CLVS1: variants seen among roughly 807,000 people sequenced by gnomAD.
CLVS1 encodes clavesin 1, also known as clavesin-1.
A neutral mutation model predicts 33.1 loss-of-function variants in CLVS1; 10 were observed. The ratio of observed to expected loss-of-function variants is 0.30; its 90% CI spans 0.19 to 0.51. CLVS1 has a LOEUF of 0.51. Ranked by LOEUF, CLVS1 falls within the 20% of genes least tolerant of loss-of-function variation. CLVS1 has a pLI of 0.97. For synonymous variants in CLVS1, 163 were observed against 166.1 expected, an observed-to-expected ratio of 0.98 and a Z score of 0.14; for missense variants, 343 against 433.4, an observed-to-expected ratio of 0.79 and a Z score of 1.85.
chr8:61,003,865 T>C, the CLVS1 span, among the ~76,000 whole-genome samples: 2 of 152,128 alleles, frequency 1.3e-5, no homozygotes, highest in African/African-American at 4.8e-5. Flanking sequence ...CAAGTAAATA[T>C]AGATACACAA....
intron 3 of CLVS1, among the ~76,000 whole-genome samples, chr8:61,409,276 C>G (rs1340035233): frequency 6.6e-6 from 1 of 152,114 alleles, no homozygotes; most frequent in Non-Finnish European, 1.5e-5. Flanking sequence ...ACAAGGGTAA[C>G]TTTTTATTAG....
intron 2 of CLVS1, among the ~76,000 whole-genome samples, chr8:61,225,368 T>C (rs944351491): frequency 2.0e-5 from 3 of 152,138 alleles, no homozygotes; most frequent in South Asian, 2.1e-4. Context: ...AGTTTCTTTA[T>C]GCATAGTAGA....
At chr8:61,010,978 G>A in the CLVS1 span, among the ~76,000 whole-genome samples, 2 of 152,218 alleles carry the variant, frequency 1.3e-5, no homozygotes, top group Admixed American at 1.3e-4. Flanking sequence ...CACTTGGTTC[G>A]CACCAATTCA....
intron 2 of CLVS1, among the ~76,000 whole-genome samples, chr8:61,224,684 A>C (rs1808291466): frequency 6.6e-6 from 1 of 152,208 alleles, no homozygotes; most frequent in South Asian, 2.1e-4. Context: ...TTAACAAAGC[A>C]CTTTGATTGC....
intron 2 of CLVS1, among the ~76,000 whole-genome samples, chr8:61,132,608 T>C (rs971176255): frequency 6.6e-6 from 1 of 152,240 alleles, no homozygotes; most frequent in African/African-American, 2.4e-5. Flanking sequence ...CATTTCCCCT[T>C]CTGTGTGGCA....
At chr8:61,116,084 G>A (rs1248862536) in intron 1 of CLVS1, among the ~76,000 whole-genome samples, 3 of 149,340 alleles carry the variant, frequency 2.0e-5, no homozygotes, top group African/African-American at 5.0e-5. Flanking sequence ...GTGTGAGATG[G>A]TATCTCATTG....
chr8:61,236,250 A>G (rs1808556083), intron 2 of CLVS1, among the ~76,000 whole-genome samples: 1 of 152,210 alleles, frequency 6.6e-6, no homozygotes, highest in Non-Finnish European at 1.5e-5. Flanking sequence ...ACCTGAAGCC[A>G]GAGGAGTGAA....
chr8:61,092,081 G>A (rs1805261535), intron 1 of CLVS1, among the ~76,000 whole-genome samples: 2 of 152,232 alleles, frequency 1.3e-5, no homozygotes, highest in Non-Finnish European at 2.9e-5. Context: ...GTATGGATGT[G>A]AATTATTTAA....
intron 2 of CLVS1, among the ~76,000 whole-genome samples, chr8:61,272,674 T>C (rs1809471586): frequency 1.3e-5 from 2 of 152,104 alleles, no homozygotes; most frequent in South Asian, 4.1e-4. Context: ...CCCATATTTC[T>C]TGGAGGCTTT....
intron 2 of CLVS1, among the ~76,000 whole-genome samples, chr8:61,219,572 A>G (rs777087480): frequency 3.9e-5 from 6 of 152,158 alleles, no homozygotes; most frequent in East Asian, 1.9e-4. Flanking sequence ...GTTTGTTTCC[A>G]TGGCTTTGCT....
chr8:61,097,755 T>C (rs1203676683), intron 1 of CLVS1, among the ~76,000 whole-genome samples: 1 of 152,196 alleles, frequency 6.6e-6, no homozygotes, highest in Non-Finnish European at 1.5e-5. Context: ...TAGACTTAAT[T>C]TGCAGGCTAA....
At chr8:61,468,067 GATTTA>G (rs1266316079) in intron 5 of CLVS1, among the ~76,000 whole-genome samples, 1 of 151,394 alleles carries the variant, frequency 6.6e-6, no homozygotes, top group Non-Finnish European at 1.5e-5. Context: ...ACATATTTTA[GATTTA>G]ATTTAAATTT....
chr8:61,426,626 G>C (rs1815904348), intron 3 of CLVS1, among the ~76,000 whole-genome samples: 2 of 152,158 alleles, frequency 1.3e-5, no homozygotes, highest in Admixed American at 6.5e-5. Flanking sequence ...CTGAATCCCT[G>C]CTTTTGGTCT....
At chr8:61,181,155 T>C (rs1807221239) in intron 2 of CLVS1, among the ~76,000 whole-genome samples, 1 of 152,178 alleles carries the variant, frequency 6.6e-6, no homozygotes, top group African/African-American at 2.4e-5. Context: ...ACAAAATCAA[T>C]GTGCAGAAAT....
the CLVS1 span, among the ~76,000 whole-genome samples, chr8:61,041,874 T>C: frequency 6.6e-6 from 1 of 152,194 alleles, no homozygotes; most frequent in Non-Finnish European, 1.5e-5. Context: ...CTTGCCTGGA[T>C]AGGACTTCCT....
intron 2 of CLVS1, among the ~76,000 whole-genome samples, chr8:61,245,379 G>A (rs1043558440): frequency 1.3e-5 from 2 of 151,936 alleles, no homozygotes; most frequent in Admixed American, 6.6e-5. Context: ...TAGAGATGGG[G>A]TTTCACCATG....
intron 2 of CLVS1, among the ~76,000 whole-genome samples, chr8:61,157,157 C>T (rs1035103195): frequency 6.6e-6 from 1 of 152,158 alleles, no homozygotes; most frequent in Non-Finnish European, 1.5e-5. Flanking sequence ...CAGTTACCTC[C>T]CTAAGCTGAA....
the CLVS1 span, among the ~76,000 whole-genome samples, chr8:61,029,586 ATTTCT>A: frequency 2.1e-5 from 3 of 141,378 alleles, no homozygotes; most frequent in African/African-American, 8.9e-5. Flanking sequence ...TGAGAAACAA[ATTTCT>A]TTTTTTTTTT....
intron 2 of CLVS1, among the ~76,000 whole-genome samples, chr8:61,281,333 T>C (rs3844335): frequency 0.27 from 40,566 of 152,050 alleles, 7,870 homozygotes; most frequent in East Asian, 0.84. Context: ...AATGTGATGA[T>C]ACTTGGAAAT....
Sources: allele counts gnomAD v4.1 joint callset (sites outside exome capture counted in the v4.1 genomes callset), GRCh38; gene constraint gnomAD v4.1.1; transcripts MANE v1.5; gene names NCBI Gene and HGNC (gene_info 2026-07-23, HGNC 2026-07-21).